GABRA1: variants seen among roughly 807,000 people sequenced by gnomAD.
GABRA1 encodes gamma-aminobutyric acid receptor subunit alpha-1.
In GABRA1, 9 loss-of-function variants were observed where a neutral mutation model predicts 48.9. The observed-to-expected ratio is 0.18, with a 90% confidence interval of 0.11 to 0.32. The LOEUF (loss-of-function observed/expected upper bound fraction) is 0.32, where lower values mean the gene tolerates loss of function less well. GABRA1 is among the 10% of genes least tolerant of loss of function. GABRA1 has a pLI of 1.00. For synonymous variants in GABRA1, 210 were observed against 198.7 expected (o/e 1.06, Z -0.48); for missense variants, 285 against 553.8 (o/e 0.51, Z 4.87).
chr5:161,856,517 C>T (rs983023690), intron 3 of GABRA1, among the ~76,000 whole-genome samples: 10 of 151,086 alleles, frequency 6.6e-5, no homozygotes, highest in African/African-American at 1.7e-4. Context: ...TTCCTGGTAA[C>T]AATGCCTTTT....
chr5:161,872,651 G>C (rs1420830749), intron 4 of GABRA1, among the ~76,000 whole-genome samples: 1 of 152,074 alleles, frequency 6.6e-6, no homozygotes, highest in East Asian at 1.9e-4. Flanking sequence ...CAATTTACTT[G>C]GGTGTGGGCA....
At chr5:161,852,164 C>G (rs1015063914) in intron 2 of GABRA1, among the ~76,000 whole-genome samples, 2 of 151,896 alleles carry the variant, frequency 1.3e-5, no homozygotes, top group African/African-American at 4.8e-5. Context: ...GAAAGCAGAA[C>G]TGGTCTTGGG....
intron 7 of GABRA1, among the ~76,000 whole-genome samples, chr5:161,886,738 C>T (rs1241864657): frequency 6.6e-6 from 1 of 152,034 alleles, no homozygotes; most frequent in Admixed American, 6.6e-5. Flanking sequence ...GACTACACCA[C>T]TGCACTCCAA....
chr5:161,857,852 T>G (rs1218838258), intron 3 of GABRA1, among the ~76,000 whole-genome samples: 1 of 151,468 alleles, frequency 6.6e-6, no homozygotes, highest in African/African-American at 2.4e-5. Context: ...TGTGGGGGGC[T>G]GCTACTTTCT....
intron 7 of GABRA1, among the ~76,000 whole-genome samples, chr5:161,888,491 T>G (rs544103433): frequency 3.9e-5 from 6 of 152,234 alleles, no homozygotes; most frequent in African/African-American, 1.4e-4. Flanking sequence ...AAAATTATAT[T>G]CTTTTCAGGA....
chr5:161,873,561 A>G (rs1754217735), intron 5 of GABRA1, among the ~76,000 whole-genome samples: 1 of 152,080 alleles, frequency 6.6e-6, no homozygotes, highest in Non-Finnish European at 1.5e-5. Flanking sequence ...TTCTTAAATA[A>G]TTTTCTGTAG....
chr5:161,864,299 C>G (rs1157292215), intron 3 of GABRA1, among the ~76,000 whole-genome samples: 1 of 151,990 alleles, frequency 6.6e-6, no homozygotes, highest in Non-Finnish European at 1.5e-5. Flanking sequence ...GTGCGCTGCA[C>G]CCACTAACTC....
chr5:161,879,565 T>G lies in GABRA1; in HGVS notation c.560-2993T>G, dbSNP rs1319395961. Reference sequence around the variant, plus strand: ...TCAAGTACATTTTCATAGGAACTATTTTCTGGTTACTAAAATTTAAGGAAA... The same window carrying G: ...TCAAGTACATTTTCATAGGAACTATGTTCTGGTTACTAAAATTTAAGGAAA... On this transcript the variant is annotated intron_variant, in intron 6 of 9. Transcript: ENST00000393943. 2.0e-5 allele frequency among the ~76,000 whole-genome samples: 3 copies of G among 152,182 alleles called. No individual in the cohort carries two copies. In the East Asian group the frequency reaches 5.8e-4, roughly 29 times the overall value.
intron 1 of GABRA1, chr5:161,848,851 C>A: frequency 5.0e-6 from 2 of 400,482 alleles, no homozygotes; most frequent in Non-Finnish European, 9.9e-6. Context: ...AAAGTTAAGA[C>A]GCTGGGACGG....
At chr5:161,880,223 A>G (rs1024108538) in intron 6 of GABRA1, among the ~76,000 whole-genome samples, 2 of 152,166 alleles carry the variant, frequency 1.3e-5, no homozygotes, top group Non-Finnish European at 1.5e-5. Flanking sequence ...ATTAAACTCT[A>G]TGACTTTTGA....
intron 4 of GABRA1, chr5:161,872,167 C>G (rs1462402156): frequency 6.6e-6 from 1 of 152,610 alleles, no homozygotes. Context: ...CTTAGATTAA[C>G]GGAGAATGTG....
chr5:161,854,805 A>G (rs1458299178), intron 3 of GABRA1, among the ~76,000 whole-genome samples: 2 of 151,540 alleles, frequency 1.3e-5, no homozygotes, highest in African/African-American at 2.4e-5. Flanking sequence ...TCTGTAATAC[A>G]ATTTTATTTT....
chr5:161,855,662 TA>T (rs1428624596), intron 3 of GABRA1, among the ~76,000 whole-genome samples: 1 of 151,428 alleles, frequency 6.6e-6, no homozygotes, highest in East Asian at 1.9e-4. Flanking sequence ...TTTTAATTTA[TA>T]AAATTTGCGA....
At chr5:161,852,962 C>T (rs1757509325) in intron 2 of GABRA1, among the ~76,000 whole-genome samples, 1 of 151,826 alleles carries the variant, frequency 6.6e-6, no homozygotes, top group African/African-American at 2.4e-5. Context: ...TTATATTTAT[C>T]AGTAACATCA....
In GABRA1 at chr5:161,865,718, C is replaced by A; in HGVS notation, c.188-3C>A. ...TCACTCGCCCAATTTCCTGCTTCAA[C>A]AGAGCGTGTAACCGAAGTGAAGACT... On this transcript the variant is annotated splice_region_variant and splice_polypyrimidine_tract_variant and intron_variant, in intron 3 of 9. Transcript: ENST00000393943. The A allele has an allele frequency of 6.2e-7, 1 of 1,612,686 alleles. No individual in the cohort carries two copies. Among genetic ancestry groups the A allele is most frequent in the Non-Finnish European group, 8.5e-7 (1 of 1,178,886 alleles).
chr5:161,865,828 T>A (rs1174355585), intron 4 of GABRA1, 40 bp downstream of exon 4: 2 of 1,554,826 alleles, frequency 1.3e-6, no homozygotes, highest in South Asian at 2.2e-5. Context: ...TGAAGAATTT[T>A]TAAAATTTAA....
In GABRA1 at chr5:161,854,408, C is replaced by T. The variant is rs938649621; in HGVS notation, c.187+138C>T. On this transcript the variant is annotated intron_variant, in intron 3 of 9. Transcript: ENST00000393943. ...TGACAAATCTATTTTTAATGGATCACTCTATGTTAATTCAAGTTACTCTGT... is the reference window on the plus strand; with the variant it reads ...TGACAAATCTATTTTTAATGGATCATTCTATGTTAATTCAAGTTACTCTGT... The T allele has an allele frequency of 4.4e-6, 3 of 680,816 alleles. No individual in the cohort carries two copies. In the African/African-American group the frequency reaches 5.3e-5, roughly 12 times the overall value. 42.2% of individuals were successfully genotyped at this position (680,816 alleles called of 1,614,324 possible).
At chr5:161,889,624 G>T (rs1336710302) in intron 7 of GABRA1, among the ~76,000 whole-genome samples, 4 of 152,062 alleles carry the variant, frequency 2.6e-5, no homozygotes, top group African/African-American at 9.7e-5. Context: ...AGAGACAAGA[G>T]AATTCAGTGC....
intron 4 of GABRA1, among the ~76,000 whole-genome samples, chr5:161,872,518 GTTTC>G (rs75318793): frequency 0.17 from 26,439 of 151,910 alleles, 2,999 homozygotes; most frequent in African/African-American, 0.32. Context: ...AGTAGAAGCA[GTTTC>G]TTTGTTTTCA....
Sources: allele counts gnomAD v4.1 joint callset (sites outside exome capture counted in the v4.1 genomes callset), GRCh38; gene constraint gnomAD v4.1.1; transcripts MANE v1.5; gene names NCBI Gene and HGNC (gene_info 2026-07-23, HGNC 2026-07-21).